PPP2R2B: variants seen among roughly 807,000 people sequenced by gnomAD.
PPP2R2B encodes protein phosphatase 2 regulatory subunit Bbeta.
Under a neutral mutation model 46.0 loss-of-function variants are expected in PPP2R2B, and 5 were observed. The ratio of observed to expected loss-of-function variants is 0.11; its 90% CI spans 0.06 to 0.23. The LOEUF is 0.23. PPP2R2B is among the 10% of genes least tolerant of loss of function. The pLI, the probability that PPP2R2B is intolerant of heterozygous loss-of-function variation, is 1.00. For missense variants in PPP2R2B, 367 were observed against 575.0 expected, an observed-to-expected ratio of 0.64 and a Z score of 3.70; for synonymous variants, 215 against 206.7, an observed-to-expected ratio of 1.04 and a Z score of -0.34.
chr5:146,976,594 T>TATCA (rs772563943), intron 1 of PPP2R2B, among the ~76,000 whole-genome samples: 19 of 152,210 alleles, frequency 1.2e-4, no homozygotes, highest in Admixed American at 1.3e-4. Flanking sequence ...GGTTTCTTTC[T>TATCA]ATCAATTTGT....
At chr5:146,601,457 G>A (rs1386362116) in intron 7 of PPP2R2B, among the ~76,000 whole-genome samples, 1 of 152,030 alleles carries the variant, frequency 6.6e-6, no homozygotes. Context: ...GGCATGGTGG[G>A]GCATGCCTGT....
At chr5:146,711,366 C>T (rs1780206310) in intron 2 of PPP2R2B, among the ~76,000 whole-genome samples, 2 of 152,050 alleles carry the variant, frequency 1.3e-5, no homozygotes, top group South Asian at 4.1e-4. Context: ...AACAAAGTAT[C>T]AATAATCAAA....
chr5:147,014,320 C>T (rs1325899105), intron 1 of PPP2R2B, among the ~76,000 whole-genome samples: 1 of 149,164 alleles, frequency 6.7e-6, no homozygotes, highest in Non-Finnish European at 1.5e-5. Context: ...TTGTGGAAGT[C>T]AGTGTGGCGT....
intron 1 of PPP2R2B, chr5:147,081,159 C>A: frequency 6.5e-7 from 1 of 1,535,330 alleles, no homozygotes; most frequent in Non-Finnish European, 8.7e-7. Flanking sequence ...CAAGGAGACA[C>A]TTCAGGTTAG....
chr5:146,861,047 A>ATTTTTTTTTTTTTTTTTTTTTTTTTTT (rs869248861), intron 2 of PPP2R2B, among the ~76,000 whole-genome samples: 2 of 132,202 alleles, frequency 1.5e-5, no homozygotes, highest in African/African-American at 3.0e-5. Flanking sequence ...TTCAAACTGA[A>ATTTTTTTTTTTTTTTTTTTTTTTTTTT]TTTTTTCTTT....
At chr5:146,774,467 G>A (rs894965099) in intron 2 of PPP2R2B, among the ~76,000 whole-genome samples, 1 of 151,936 alleles carries the variant, frequency 6.6e-6, no homozygotes, top group African/African-American at 2.4e-5. Flanking sequence ...AAATAAAGTG[G>A]GGGGTTGTAT....
intron 9 of PPP2R2B, among the ~76,000 whole-genome samples, chr5:146,591,391 T>G (rs9325018): frequency 0.023 from 3,578 of 152,306 alleles, 138 homozygotes; most frequent in African/African-American, 0.082. Flanking sequence ...GAACTGTGTC[T>G]GTGTACTCGA....
chr5:146,966,147 T>C (rs4705452), intron 1 of PPP2R2B, among the ~76,000 whole-genome samples: 117,130 of 152,176 alleles, frequency 0.77, 46,062 homozygotes, highest in Admixed American at 0.85. Flanking sequence ...GTAGTTGGTG[T>C]TCTTAGCTAA....
At chr5:146,714,319 T>G (rs1175872799) in intron 2 of PPP2R2B, among the ~76,000 whole-genome samples, 1 of 152,120 alleles carries the variant, frequency 6.6e-6, no homozygotes, top group Non-Finnish European at 1.5e-5. Context: ...CCATAAAACT[T>G]GATCGGAGTA....
intron 2 of PPP2R2B, among the ~76,000 whole-genome samples, chr5:146,804,223 A>AC (rs1207921898): frequency 7.2e-5 from 11 of 152,078 alleles, no homozygotes; most frequent in Non-Finnish European, 2.9e-5. Flanking sequence ...ATTGAGCACT[A>AC]CTTCCTATGC....
chr5:146,788,123 G>A (rs79834748), intron 2 of PPP2R2B, among the ~76,000 whole-genome samples: 1,939 of 152,134 alleles, frequency 0.013, 38 homozygotes, highest in African/African-American at 0.045. Context: ...GAGCATTTGC[G>A]CAAGTTGCCT....
intron 5 of PPP2R2B, among the ~76,000 whole-genome samples, chr5:146,687,254 C>A (rs1210829824): frequency 1.3e-5 from 2 of 152,166 alleles, no homozygotes; most frequent in African/African-American, 4.8e-5. Flanking sequence ...CCTGGAATAA[C>A]CAGTTGAGGG....
intron 5 of PPP2R2B, among the ~76,000 whole-genome samples, chr5:146,676,615 C>G (rs1435106495): frequency 6.6e-6 from 1 of 152,170 alleles, no homozygotes; most frequent in African/African-American, 2.4e-5. Context: ...ATCATCTGCT[C>G]TCCTGTACAC....
At chr5:146,597,992 C>A (rs1422480954) in intron 8 of PPP2R2B, among the ~76,000 whole-genome samples, 1 of 152,206 alleles carries the variant, frequency 6.6e-6, no homozygotes, top group African/African-American at 2.4e-5. Flanking sequence ...TGGCTTATTC[C>A]TATCAGCAGA....
intron 2 of PPP2R2B, among the ~76,000 whole-genome samples, chr5:146,823,055 C>T (rs2151335883): frequency 1.3e-5 from 2 of 152,300 alleles, no homozygotes; most frequent in South Asian, 4.1e-4. Context: ...GACACTCCCT[C>T]CATGTGAACC....
At chr5:146,599,832 T>G (rs1274564918) in intron 8 of PPP2R2B, among the ~76,000 whole-genome samples, 1 of 152,186 alleles carries the variant, frequency 6.6e-6, no homozygotes, top group Admixed American at 6.5e-5. Context: ...CGGTGTATGA[T>G]GTTCCCCTTC....
intron 1 of PPP2R2B, among the ~76,000 whole-genome samples, chr5:146,884,225 A>G (rs1762255761): frequency 6.6e-6 from 1 of 151,814 alleles, no homozygotes; most frequent in South Asian, 2.1e-4. Context: ...TTTCTGTACA[A>G]TAAATCTCCC....
Position 146,878,155 on chromosome 5 carries a change from G to C in PPP2R2B, c.-84C>G, listed in dbSNP as rs766675779. 583 of 1,607,004 alleles carry C rather than the reference G, an allele frequency of 3.6e-4. No individual in the cohort carries two copies. Among genetic ancestry groups the C allele is most frequent in the Middle Eastern group, 9.9e-4 (6 of 6,056 alleles). The stretch of plus-strand genomic sequence containing the variant: ...TCCCCGCAGCCAGTCTCACAGGAGA[G>C]GGGGGCAGGGGAGCCAGTGGGACTG... On this transcript the variant is annotated 5_prime_UTR_variant, in exon 2 of 10. Transcript: ENST00000394411. This position sits in a 1 kb window ranked among gnomAD's most constrained non-coding sequence, Gnocchi z 4.5.
At chr5:146,923,855 T>C (rs560957903) in intron 1 of PPP2R2B, among the ~76,000 whole-genome samples, 1 of 151,968 alleles carries the variant, frequency 6.6e-6, no homozygotes, top group South Asian at 2.1e-4. Context: ...ATAAAGAAAA[T>C]ATGGTACATA....
Sources: gnomAD v4.1 joint callset for allele counts (sites outside exome capture counted in the v4.1 genomes callset) on GRCh38, gnomAD v4.1.1 for gene constraint, Gnocchi (gnomAD v3.1) non-coding constraint, MANE v1.5 for transcripts, NCBI Gene and HGNC (gene_info 2026-07-23, HGNC 2026-07-21) for gene names.